CRKL: variants seen among roughly 807,000 people sequenced by gnomAD.
CRKL encodes the protein CRK like proto-oncogene, adaptor protein.
In CRKL, 3 loss-of-function variants were observed where a neutral mutation model predicts 23.0. The observed-to-expected ratio is 0.13, with a 90% CI of 0.06 to 0.34. The LOEUF is 0.34. Among genes scored for constraint, CRKL ranks in the 10% least tolerant of loss-of-function variants. The probability of loss-of-function intolerance (pLI) is 1.00; values close to 1 mark genes in which losing one functional copy is unlikely to be tolerated. For missense variants in CRKL, 256 were observed against 394.5 expected (o/e 0.65, Z 2.97); for synonymous variants, 188 against 160.7 (o/e 1.17, Z -1.28).
chr22:20,925,781 C>T (rs940573202), intron 1 of CRKL, among the ~76,000 whole-genome samples: 5 of 152,116 alleles, frequency 3.3e-5, no homozygotes, highest in Admixed American at 2.6e-4. Context: ...CAGTATTAAA[C>T]CAGAGTTAGG....
Position 20,923,427 on chromosome 22 carries a change from G to A in CRKL, c.311+5182G>A, listed in dbSNP as rs558301705. ...GAGTTAGCTGGGACTACAGGTGCCC[G>A]CCACCATGCCCGGGTAACTTTTTGT... On this transcript the variant is annotated intron_variant, in intron 1 of 2. Transcript: ENST00000354336. Among the ~76,000 whole-genome samples the A allele has an allele frequency of 1.3e-4, 19 of 151,566 alleles. No individual in the cohort carries two copies. In the South Asian group the frequency reaches 1.9e-3, roughly 15 times the overall value.
chr22:20,953,270 G>T lies in CRKL; in HGVS notation c.*3425G>T, dbSNP rs989167022. On this transcript the variant is annotated 3_prime_UTR_variant, in exon 3 of 3. Transcript: ENST00000354336. ...TGCCTCAACTCCACCCTCTGCGACC[G>T]GAGGACTATGCCCCTAGTAACTGCT... 1.3e-5 allele frequency: 3 copies of T among 231,196 alleles called. No individual in the cohort carries two copies. Among genetic ancestry groups the T allele is most frequent in the African/African-American group, 4.4e-5 (2 of 45,114 alleles). The allele number at this position is 231,196 out of a possible 1,614,324, so 14.3% of individuals were successfully genotyped here.
At chr22:20,944,039 T>G (rs1452785660) in intron 2 of CRKL, among the ~76,000 whole-genome samples, 1 of 152,022 alleles carries the variant, frequency 6.6e-6, no homozygotes, top group Non-Finnish European at 1.5e-5. Context: ...CAATTCTATA[T>G]GAATTTGAGG....
intron 2 of CRKL, among the ~76,000 whole-genome samples, chr22:20,946,407 TTTAGAG>T (rs940343421): frequency 6.6e-6 from 1 of 152,122 alleles, no homozygotes; most frequent in Admixed American, 6.5e-5. Context: ...GCATATGTGT[TTTAGAG>T]TTAATGTGTC....
chr22:20,928,314 G>A (rs1721636751), intron 1 of CRKL, among the ~76,000 whole-genome samples: 1 of 151,932 alleles, frequency 6.6e-6, no homozygotes. Flanking sequence ...AGGATTGGCT[G>A]GGCATGGTGG....
rs117805485 is a variant in CRKL at position 20,945,334 on chromosome 22, G to A, written c.778-4377G>A. On this transcript the variant is annotated intron_variant, in intron 2 of 2. Coordinates refer to ENST00000354336, the MANE Select transcript of CRKL (RefSeq NM_005207.4). ...ATTATTCATTACCAATATATAAGAC[G>A]CAACTGATATCTATGTGTTGATCTC... Among the ~76,000 whole-genome samples the A allele has an allele frequency of 5.9e-3, 904 of 152,162 alleles. 8 individuals are homozygous for A. The highest frequency in any genetic ancestry group is 0.055 in the East Asian group (283 of 5,186).
chr22:20,924,289 TCTAAC>T (rs1328780400), intron 1 of CRKL, among the ~76,000 whole-genome samples: 1 of 152,156 alleles, frequency 6.6e-6, no homozygotes. Flanking sequence ...GGGTGCTTAG[TCTAAC>T]CTGAGAGCCC....
intron 1 of CRKL, among the ~76,000 whole-genome samples, chr22:20,921,354 T>C (rs138586909): frequency 3.9e-4 from 60 of 152,374 alleles, no homozygotes; most frequent in African/African-American, 1.3e-3. Context: ...TTTAATTTTA[T>C]ATTTTTATTC....
chr22:20,937,068 T>C (rs1921689508), intron 2 of CRKL, among the ~76,000 whole-genome samples: 1 of 151,914 alleles, frequency 6.6e-6, no homozygotes, highest in South Asian at 2.1e-4. Flanking sequence ...GCCAGGCTGG[T>C]CTTGAACTCC....
intron 1 of CRKL, among the ~76,000 whole-genome samples, chr22:20,920,601 G>A (rs759831249): frequency 6.6e-6 from 1 of 152,014 alleles, no homozygotes; most frequent in East Asian, 1.9e-4. Flanking sequence ...CAGATTTTCC[G>A]TACATGCATG....
At chr22:20,923,974 C>T (rs533549347) in intron 1 of CRKL, among the ~76,000 whole-genome samples, 25 of 151,882 alleles carry the variant, frequency 1.6e-4, no homozygotes, top group Non-Finnish European at 2.9e-4. Flanking sequence ...ATCGCTAGAT[C>T]CCAGGAGTTT....
In CRKL at chr22:20,934,083, G is replaced by T. The variant is rs2147905477; in HGVS notation, c.616G>T (p.Ala206Ser). The T allele has an allele frequency of 1.2e-6, 2 of 1,614,198 alleles. No homozygotes were observed. The highest frequency in any genetic ancestry group is 1.7e-6 in the Non-Finnish European group (2 of 1,180,054). Residue 206 changes from alanine to serine, a missense_variant, in exon 2 of 3, where the codon GCA (alanine) becomes TCA (serine). Transcript: ENST00000354336. ...NSYGIPEPAH[A>S]YAQPQTTTPL... ...TTATGGGATCCCAGAACCTGCTCAT[G>T]CATACGCTCAACCTCAGACCACAAC...
chr22:20,934,910 T>G (rs1482763581), intron 2 of CRKL, among the ~76,000 whole-genome samples: 2 of 148,542 alleles, frequency 1.3e-5, no homozygotes, highest in African/African-American at 5.0e-5. Context: ...ACCTCCTGGG[T>G]TCACACCATT....
intron 1 of CRKL, among the ~76,000 whole-genome samples, chr22:20,931,796 TTTTTATTTTTA>T (rs1411107710): frequency 1.3e-5 from 2 of 152,110 alleles, no homozygotes; most frequent in Non-Finnish European, 2.9e-5. Flanking sequence ...TAGCTATTTA[TTTTTATTTTTA>T]TTTTATTTTA....
At chr22:20,923,908 T>A (rs998378060) in intron 1 of CRKL, among the ~76,000 whole-genome samples, 1 of 150,606 alleles carries the variant, frequency 6.6e-6, no homozygotes, top group African/African-American at 2.4e-5. Context: ...AAAGGTTGGC[T>A]GTGCTCGGTG....
intron 1 of CRKL, among the ~76,000 whole-genome samples, chr22:20,928,016 C>T (rs12159804): frequency 8.6e-5 from 13 of 151,446 alleles, no homozygotes; most frequent in African/African-American, 2.7e-4. Context: ...AAAATTAGCC[C>T]GGCAGTAGTG....
Position 20,919,584 on chromosome 22 carries a change from C to A in CRKL, c.311+1339C>A, listed in dbSNP as rs899113467. 2.6e-5 allele frequency among the ~76,000 whole-genome samples: 4 copies of A among 152,316 alleles called. No homozygotes were observed. The East Asian group carries it at 7.7e-4, about 29-fold the overall frequency. ...TTATTGTTGTGTTTGCCCTGTAACA[C>A]TGATTTTATCAGAGGTTTCTTTTAT... On this transcript the variant is annotated intron_variant, in intron 1 of 2. Coordinates refer to ENST00000354336, the MANE Select transcript of CRKL (RefSeq NM_005207.4).
At chr22:20,918,290 G>A (rs2147892234) in intron 1 of CRKL, 45 bp downstream of exon 1, 1 of 1,595,044 alleles carries the variant, frequency 6.3e-7, no homozygotes. Context: ...TCGAGAACCG[G>A]GTCTGTCGAA....
chr22:20,933,535 G>A (rs1434603876), intron 1 of CRKL, among the ~76,000 whole-genome samples: 1 of 151,766 alleles, frequency 6.6e-6, no homozygotes, highest in Non-Finnish European at 1.5e-5. Context: ...GGGCGTGGTA[G>A]TGGGCGCCTG....
Sources: allele counts gnomAD v4.1 joint callset (sites outside exome capture counted in the v4.1 genomes callset), GRCh38; gene constraint gnomAD v4.1.1; transcripts MANE v1.5; gene names NCBI Gene and HGNC (gene_info 2026-07-23, HGNC 2026-07-21).